Variants in ZBTB10 observed in about 807,000 individuals in gnomAD.
ZBTB10 encodes zinc finger and BTB domain-containing protein 10.
A neutral mutation model predicts 76.4 loss-of-function variants in ZBTB10; 32 were observed. That is an observed-to-expected ratio of 0.42 (90% confidence interval 0.32 to 0.56). The LOEUF (loss-of-function observed/expected upper bound fraction) is 0.56, where lower values mean the gene tolerates loss of function less well. ZBTB10 is among the 20% of genes least tolerant of loss of function. The pLI is 0.14. For synonymous variants in ZBTB10, 523 were observed against 432.9 expected, an observed-to-expected ratio of 1.21 and a Z score of -2.58; for missense variants, 1,057 against 1,098.5, an observed-to-expected ratio of 0.96 and a Z score of 0.53.
chr8:80,492,669 G>T (rs1319546786), intron 1 of ZBTB10, among the ~76,000 whole-genome samples: 1 of 151,770 alleles, frequency 6.6e-6, no homozygotes, highest in South Asian at 2.1e-4. Flanking sequence ...AGTAGAGACG[G>T]GGTTTCAGTA....
Position 80,523,613 on chromosome 8 carries a change from G to T in ZBTB10, c.*4085G>T, listed in dbSNP as rs1816492475. The T allele has an allele frequency of 7.8e-6, 1 of 127,538 alleles. No individual in the cohort carries two copies. Among genetic ancestry groups the T allele is most frequent in the South Asian group, 2.4e-4 (1 of 4,246 alleles). 7.9% of individuals were successfully genotyped at this position (127,538 alleles called of 1,614,324 possible). On this transcript the variant is annotated 3_prime_UTR_variant, in exon 6 of 6. Coordinates refer to ENST00000455036, the MANE Select transcript of ZBTB10 (RefSeq NM_001105539.3). Reference sequence around the variant, plus strand: ...TTTAGTCACTTTAGGACTTAAAATGGAAAGTTTTTTTTTTTTTCCTGCTGT... The same window carrying T: ...TTTAGTCACTTTAGGACTTAAAATGTAAAGTTTTTTTTTTTTTCCTGCTGT...
At chr8:80,508,751 A>AG (rs1188130147) in intron 2 of ZBTB10, among the ~76,000 whole-genome samples, 1 of 152,154 alleles carries the variant, frequency 6.6e-6, no homozygotes, top group African/African-American at 2.4e-5. Flanking sequence ...AGAATAGAAA[A>AG]GGGGTAGTGT....
Position 80,487,038 on chromosome 8 carries a change from C to T in ZBTB10, c.228C>T (p.Asp76=). 3.9e-6 allele frequency: 6 copies of T among 1,520,394 alleles called. 1 individual carries two copies. Among genetic ancestry groups the T allele is most frequent in the Middle Eastern group, 1.8e-4 (1 of 5,656 alleles). The allele number at this position is 1,520,394 out of a possible 1,614,324, so 94.2% of individuals were successfully genotyped here. Residue 76 remains aspartate, a synonymous_variant, in exon 1 of 6, where the codon GAC becomes GAT. Coordinates refer to ENST00000455036, the MANE Select transcript of ZBTB10 (RefSeq NM_001105539.3). ...EVELEGLEPQ[D]LEASAGPAAG... The stretch of plus-strand genomic sequence containing the variant: ...AATTGGAGGGCCTGGAGCCCCAAGA[C>T]CTGGAGGCCTCCGCCGGGCCGGCCG...
At chr8:80,502,068 A>G (rs975776763) in intron 2 of ZBTB10, among the ~76,000 whole-genome samples, 2 of 152,242 alleles carry the variant, frequency 1.3e-5, no homozygotes, top group Admixed American at 6.5e-5. Context: ...AATGCCACAT[A>G]TAATTGGAGT....
At position 80,521,754 on chromosome 8, in the gene ZBTB10, A is replaced by G. The variant is rs1466838255; in HGVS notation, c.*2226A>G. ...ATTTTTGTTAGATTGCATACAGTAAATTGAAATACACACTTGGTACACTAC... is the reference window on the plus strand; with the variant it reads ...ATTTTTGTTAGATTGCATACAGTAAGTTGAAATACACACTTGGTACACTAC... On this transcript the variant is annotated 3_prime_UTR_variant, in exon 6 of 6. Transcript: ENST00000455036. 1 of 151,834 alleles carries G rather than the reference A, an allele frequency of 6.6e-6. No individual in the cohort carries two copies. Among genetic ancestry groups the G allele is most frequent in the East Asian group, 1.9e-4 (1 of 5,196 alleles). 9.4% of individuals were successfully genotyped at this position (151,834 alleles called of 1,614,324 possible).
At chr8:80,512,884 T>TA (rs1244595644) in intron 2 of ZBTB10, among the ~76,000 whole-genome samples, 2 of 152,202 alleles carry the variant, frequency 1.3e-5, no homozygotes, top group East Asian at 3.9e-4. Context: ...TTGCCCCACC[T>TA]ACTCACCAGT....
intron 1 of ZBTB10, among the ~76,000 whole-genome samples, chr8:80,493,606 C>T (rs551410697): frequency 6.7e-6 from 1 of 149,900 alleles, no homozygotes; most frequent in Admixed American, 6.7e-5. Context: ...CATCTGAGGT[C>T]GGGAGTTCGA....
intron 2 of ZBTB10, among the ~76,000 whole-genome samples, chr8:80,501,735 G>A (rs1585848677): frequency 6.6e-6 from 1 of 151,990 alleles, no homozygotes; most frequent in African/African-American, 2.4e-5. Context: ...TATATATAAC[G>A]AATACTATAT....
chr8:80,491,622 C>G (rs1815633526), intron 1 of ZBTB10, among the ~76,000 whole-genome samples: 1 of 152,064 alleles, frequency 6.6e-6, no homozygotes, highest in African/African-American at 2.4e-5. Flanking sequence ...CGAGGTGTCC[C>G]TGTATTTATA....
chr8:80,494,569 A>G (rs1815732426), intron 1 of ZBTB10, among the ~76,000 whole-genome samples: 2 of 152,074 alleles, frequency 1.3e-5, no homozygotes, highest in Non-Finnish European at 2.9e-5. Context: ...CACCTCATTG[A>G]CACCTATCTT....
At chr8:80,508,139 G>A (rs1816105719) in intron 2 of ZBTB10, among the ~76,000 whole-genome samples, 1 of 152,162 alleles carries the variant, frequency 6.6e-6, no homozygotes, top group African/African-American at 2.4e-5. Context: ...AACTCTTTAA[G>A]TGGTCAGAAT....
rs1019953003 is a variant in ZBTB10, at chr8:80,524,175, T to TC, written c.*4648dup. 6.6e-6 allele frequency: 1 copy of TC among 152,026 alleles called. No individual in the cohort carries two copies. Among genetic ancestry groups the TC allele is most frequent in the African/African-American group, 2.4e-5 (1 of 41,430 alleles). 9.4% of individuals were successfully genotyped at this position (152,026 alleles called of 1,614,324 possible). A position where few individuals can be genotyped will look rare whatever the true frequency, so the allele number is the denominator to read the frequency against. ...TAATGAACTTTGACTTATGTATAAT[T>TC]CAGATATCTTTGTACTTAAGGCTTA... On this transcript the variant is annotated 3_prime_UTR_variant, in exon 6 of 6. Coordinates refer to ENST00000455036, the MANE Select transcript of ZBTB10 (RefSeq NM_001105539.3).
chr8:80,502,656 T>C (rs778726406), intron 2 of ZBTB10, among the ~76,000 whole-genome samples: 42 of 151,960 alleles, frequency 2.8e-4, no homozygotes, highest in Non-Finnish European at 5.1e-4. Context: ...TAAATGGGTC[T>C]CAAAAGAGCA....
chr8:80,504,220 A>G (rs1815994761), intron 2 of ZBTB10, among the ~76,000 whole-genome samples: 1 of 152,222 alleles, frequency 6.6e-6, no homozygotes, highest in Admixed American at 6.5e-5. Flanking sequence ...TTGAGAAAAC[A>G]GTTGTCCATG....
chr8:80,487,109 C>G lies in ZBTB10; in HGVS notation c.299C>G (p.Ala100Gly). Residue 100 changes from alanine (A) to glycine (G), a missense_variant, in exon 1 of 6, where the codon GCG (alanine) becomes GGG (glycine). Around this residue, in one of 5 missense-constraint regions of ZBTB10, gnomAD observed 556 missense variants for 451.7 expected, o/e 1.23. Transcript: ENST00000455036. ...EAKELLLPQD[A>G]GGPTSLGGGA... ...AAGGAGTTGCTGCTCCCCCAAGACGCGGGCGGCCCCACCTCGCTTGGCGGT... is the reference window on the plus strand; with the variant it reads ...AAGGAGTTGCTGCTCCCCCAAGACGGGGGCGGCCCCACCTCGCTTGGCGGT... 2.0e-6 allele frequency: 3 copies of G among 1,517,830 alleles called. No individual in the cohort carries two copies. The highest frequency in any genetic ancestry group is 2.6e-6 in the Non-Finnish European group (3 of 1,138,492). The allele number at this position is 1,517,830 out of a possible 1,614,324, so 94.0% of individuals were successfully genotyped here. A position where few individuals can be genotyped will look rare whatever the true frequency, so the allele number is the denominator to read the frequency against.
chr8:80,489,757 G>A (rs1235545637), intron 1 of ZBTB10, among the ~76,000 whole-genome samples: 1 of 152,102 alleles, frequency 6.6e-6, no homozygotes, highest in Non-Finnish European at 1.5e-5. Context: ...TAATCTGCAG[G>A]CCATCTCCTT....
At chr8:80,497,040 A>G (rs1442836899) in intron 1 of ZBTB10, among the ~76,000 whole-genome samples, 1 of 152,228 alleles carries the variant, frequency 6.6e-6, no homozygotes, top group Non-Finnish European at 1.5e-5. Flanking sequence ...AGGCAAATTA[A>G]TAAAATTTAC....
Position 80,524,302 on chromosome 8 carries a change from A to G in ZBTB10, c.*4774A>G, listed in dbSNP as rs1414777572. The G allele has an allele frequency of 6.6e-6, 1 of 152,112 alleles. No individual in the cohort carries two copies. Among genetic ancestry groups the G allele is most frequent in the Admixed American group, 6.6e-5 (1 of 15,256 alleles). The allele number at this position is 152,112 out of a possible 1,614,324, so 9.4% of individuals were successfully genotyped here. A position where few individuals can be genotyped will look rare whatever the true frequency, so the allele number is the denominator to read the frequency against. ...ACTACCTCCAAGTAATCCTGCTTTA[A>G]TTAATAGCAGTGATTTGTAATCAGT... On this transcript the variant is annotated 3_prime_UTR_variant, in exon 6 of 6. Coordinates refer to ENST00000455036, the MANE Select transcript of ZBTB10 (RefSeq NM_001105539.3).
In ZBTB10 at chr8:80,487,414, GGCAGCT is replaced by G. The variant is rs1395972404; in HGVS notation, c.610_615del (p.Cys204_Ser205del). 2 of 1,540,470 alleles carry G rather than the reference GGCAGCT, an allele frequency of 1.3e-6. No homozygotes were observed. The highest frequency in any genetic ancestry group is 2.7e-5 in the African/African-American group (2 of 72,794). ...GGGCGACGGCAGCGGGGCGGAAGGCGGCAGCTGCAGCAGCAGCAGGCGGTCGGGCGG... is the reference window on the plus strand; with the variant it reads ...GGGCGACGGCAGCGGGGCGGAAGGCGGCAGCAGCAGCAGGCGGTCGGGCGG... On this transcript the variant is annotated inframe_deletion, in exon 1 of 6. Transcript: ENST00000455036.
Sources: gnomAD v4.1 joint callset for allele counts (sites outside exome capture counted in the v4.1 genomes callset) on GRCh38, gnomAD v4.1.1 for gene constraint, gnomAD v4.1.1 regional missense constraint, MANE v1.5 for transcripts, NCBI Gene and HGNC (gene_info 2026-07-23, HGNC 2026-07-21) for gene names.